RALGAPB: variants seen among roughly 807,000 people sequenced by gnomAD.
RALGAPB encodes Ral GTPase activating protein non-catalytic subunit beta.
In RALGAPB, 25 loss-of-function variants were observed where a neutral mutation model predicts 161.1. The observed-to-expected ratio is 0.16, with a 90% CI of 0.11 to 0.22. RALGAPB has a LOEUF of 0.22. RALGAPB is among the 10% of genes least tolerant of loss of function. RALGAPB has a pLI of 1.00. For synonymous variants in RALGAPB, 629 were observed against 626.1 expected, an observed-to-expected ratio of 1.00 and a Z score of -0.07; for missense variants, 1,391 against 1,815.2, an observed-to-expected ratio of 0.77 and a Z score of 4.25.
chr20:38,492,879 A>G (rs2085318736), intron 2 of RALGAPB, 51 bp from the exon 3 acceptor site: 2 of 1,438,298 alleles, frequency 1.4e-6, no homozygotes, highest in South Asian at 1.2e-5. Context: ...AAATCAGTCT[A>G]CTGAGATAGG....
intron 5 of RALGAPB, among the ~76,000 whole-genome samples, chr20:38,502,141 GTAA>G (rs1321255144): frequency 6.6e-6 from 1 of 152,164 alleles, no homozygotes; most frequent in Non-Finnish European, 1.5e-5. Context: ...CTGTACTACT[GTAA>G]TAATTTTGTA....
chr20:38,569,603 T>A (rs2088152238), intron 26 of RALGAPB: 1 of 323,042 alleles, frequency 3.1e-6, no homozygotes, highest in African/African-American at 2.1e-5. Context: ...CTCATTAAGA[T>A]ACTGTGTGTA....
At chr20:38,551,429 G>A (rs1430448176) in intron 21 of RALGAPB, among the ~76,000 whole-genome samples, 1 of 152,154 alleles carries the variant, frequency 6.6e-6, no homozygotes, top group Non-Finnish European at 1.5e-5. Flanking sequence ...GTGTTGCTGG[G>A]CTGCCTGGCT....
intron 6 of RALGAPB, among the ~76,000 whole-genome samples, chr20:38,515,868 G>C (rs941378858): frequency 6.6e-6 from 1 of 151,934 alleles, no homozygotes; most frequent in Non-Finnish European, 1.5e-5. Context: ...CAAGTAGTTG[G>C]GACCATAGGC....
intron 1 of RALGAPB, among the ~76,000 whole-genome samples, chr20:38,478,640 G>A (rs6099865): frequency 0.073 from 11,084 of 151,612 alleles, 1,417 homozygotes; most frequent in African/African-American, 0.25. Context: ...TTTTGAGACA[G>A]AGTTTCGCTC....
intron 3 of RALGAPB, among the ~76,000 whole-genome samples, chr20:38,494,860 T>C (rs1460756254): frequency 1.3e-5 from 2 of 152,232 alleles, no homozygotes; most frequent in Non-Finnish European, 2.9e-5. Flanking sequence ...AGTTAATTTG[T>C]ATTGATGAAA....
At position 38,565,422 on chromosome 20, in the gene RALGAPB, A is replaced by G; in HGVS notation, c.3761A>G (p.Tyr1254Cys). The change falls in exon 25 of 30, where the codon TAT (tyrosine) becomes TGT (cysteine). Residue 1254 changes from tyrosine (Y) to cysteine (C), a missense_variant. By Grantham distance (194) the Tyr-to-Cys change is radical. This residue lies in a region of RALGAPB where 436 missense variants were observed against 527.0 expected (regional missense o/e 0.83). Coordinates refer to ENST00000262879, the MANE Select transcript of RALGAPB (RefSeq NM_020336.4). ...IFNGQKKVLY[Y>C]ADALTEIAFV... Reference sequence around the variant, plus strand: ...AATGGACAGAAGAAGGTGCTGTATTATGCTGATGCCCTTACAGAAATTGCT... The same window carrying G: ...AATGGACAGAAGAAGGTGCTGTATTGTGCTGATGCCCTTACAGAAATTGCT... 2 of 1,613,542 alleles carry G rather than the reference A, an allele frequency of 1.2e-6. No homozygotes were observed. The highest frequency in any genetic ancestry group is 1.7e-6 in the Non-Finnish European group (2 of 1,179,588).
At chr20:38,532,278 C>A (rs889435087) in intron 14 of RALGAPB, among the ~76,000 whole-genome samples, 1 of 152,138 alleles carries the variant, frequency 6.6e-6, no homozygotes, top group Non-Finnish European at 1.5e-5. Context: ...AGGATGGTCT[C>A]GATCTCCTGA....
At chr20:38,530,118 A>G (rs1011937336) in intron 13 of RALGAPB, among the ~76,000 whole-genome samples, 2 of 152,012 alleles carry the variant, frequency 1.3e-5, no homozygotes, top group African/African-American at 2.4e-5. Flanking sequence ...TGATGAAAAC[A>G]TGTGAGAACC....
At chr20:38,513,184 A>G (rs1036898106) in intron 6 of RALGAPB, among the ~76,000 whole-genome samples, 2 of 148,556 alleles carry the variant, frequency 1.3e-5, no homozygotes, top group African/African-American at 4.9e-5. Flanking sequence ...CCTGGGCAAC[A>G]TGGTGAAACC....
chr20:38,516,899 TATA>T lies in RALGAPB; in HGVS notation c.1051+533_1051+535del, dbSNP rs1230383919. Among the ~76,000 whole-genome samples, 5 of 152,262 alleles carry T rather than the reference TATA, an allele frequency of 3.3e-5. No individual in the cohort carries two copies. The East Asian group carries it at 7.7e-4, about 23-fold the overall frequency. ...TTTAACCTGTTGAAAGGCAGTGATTTATAATATTTTCTAAAATATTTATGTATA... is the reference window on the plus strand; with the variant it reads ...TTTAACCTGTTGAAAGGCAGTGATTTATATTTTCTAAAATATTTATGTATA... On this transcript the variant is annotated intron_variant, in intron 7 of 29. Transcript: ENST00000262879.
rs548252559 is a variant in RALGAPB at position 38,570,682 on chromosome 20, T to C, written c.4064-87T>C. On this transcript the variant is annotated intron_variant, in intron 27 of 29. Transcript: ENST00000262879. ...AGTCCATATATTTGCCACTCACTTATGTAAAGCGATTAGAAAATTAGATTT... is the reference window on the plus strand; with the variant it reads ...AGTCCATATATTTGCCACTCACTTACGTAAAGCGATTAGAAAATTAGATTT... 1.6e-4 allele frequency: 127 copies of C among 816,158 alleles called. 2 individuals carry two copies. The Middle Eastern group carries it at 0.011, about 72-fold the overall frequency. The allele number at this position is 816,158 out of a possible 1,614,324, so 50.6% of individuals were successfully genotyped here.
At chr20:38,556,789 T>C (rs2087600974) in intron 22 of RALGAPB, among the ~76,000 whole-genome samples, 1 of 152,202 alleles carries the variant, frequency 6.6e-6, no homozygotes, top group South Asian at 2.1e-4. Context: ...TGCAACATGC[T>C]TCAGGTCCAC....
intron 13 of RALGAPB, among the ~76,000 whole-genome samples, chr20:38,529,524 A>T (rs566986412): frequency 4.6e-5 from 7 of 151,562 alleles, no homozygotes; most frequent in South Asian, 4.2e-4. Flanking sequence ...TCTCAAAAAA[A>T]AAAAATAAAA....
chr20:38,549,615 G>A (rs928407468), intron 20 of RALGAPB, among the ~76,000 whole-genome samples: 3 of 150,132 alleles, frequency 2.0e-5, no homozygotes, highest in Non-Finnish European at 3.0e-5. Context: ...TGTATGCTGT[G>A]TATAATTTAA....
At chr20:38,569,135 T>G (rs184251318) in intron 26 of RALGAPB, 159 of 152,300 alleles carry the variant, frequency 1.0e-3, no homozygotes, top group African/African-American at 3.5e-3. Flanking sequence ...GGTAAAGACA[T>G]GTATATTTCT....
chr20:38,523,902 A>C (rs895896198), intron 10 of RALGAPB, among the ~76,000 whole-genome samples: 1 of 152,210 alleles, frequency 6.6e-6, no homozygotes, highest in Non-Finnish European at 1.5e-5. Flanking sequence ...AGGCAGAATG[A>C]GTTAAGACTT....
rs1368724777 is a variant in RALGAPB, at chr20:38,574,258, C to G, written c.4251C>G (p.Ile1417Met). 2 of 1,613,714 alleles carry G rather than the reference C, an allele frequency of 1.2e-6. No individual in the cohort carries two copies. The highest frequency in any genetic ancestry group is 1.7e-6 in the Non-Finnish European group (2 of 1,179,814). ...CCACTGGAAAATTTAATATGGTCAT[C>G]CCTCTTGTGGATGGGATGATTGTCA... ...QGATGKFNMVIPLVDGMIVSR... is the reference protein window; with the variant it reads ...QGATGKFNMVMPLVDGMIVSR... Residue 1417 changes from isoleucine to methionine, a missense_variant, in exon 29 of 30, where the codon ATC becomes ATG. By Grantham distance (10) the Ile-to-Met change is conservative. Coordinates refer to ENST00000262879, the MANE Select transcript of RALGAPB (RefSeq NM_020336.4).
intron 14 of RALGAPB, among the ~76,000 whole-genome samples, 191 bp downstream of exon 14, chr20:38,531,422 A>G (rs576195149): frequency 1.3e-5 from 2 of 152,320 alleles, no homozygotes; most frequent in South Asian, 2.1e-4. Flanking sequence ...TCAGCTGTAC[A>G]TCAGGTTCCC....
Sources: gnomAD v4.1 joint callset for allele counts (sites outside exome capture counted in the v4.1 genomes callset) on GRCh38, gnomAD v4.1.1 for gene constraint, gnomAD v4.1.1 regional missense constraint, MANE v1.5 for transcripts, NCBI Gene and HGNC (gene_info 2026-07-23, HGNC 2026-07-21) for gene names.